Variants in DEFB119 observed in about 807,000 individuals in gnomAD.
The protein encoded by DEFB119 is defensin beta 119.
Under a neutral mutation model 2.5 loss-of-function variants are expected in DEFB119, and 3 were observed. The ratio of observed to expected loss-of-function variants is 1.19; its 90% CI spans 0.54 to 3.07. The LOEUF (loss-of-function observed/expected upper bound fraction) is 3.07, where lower values mean the gene tolerates loss of function less well. Among genes scored for constraint, DEFB119 ranks in the 30% most tolerant of loss-of-function variants. The pLI, the probability that DEFB119 is intolerant of heterozygous loss-of-function variation, is 0.03. For synonymous variants in DEFB119, 29 were observed against 33.7 expected (o/e 0.86, Z 0.48); for missense variants, 113 against 101.1 (o/e 1.12, Z -0.50).
chr20:31,388,874 G>T, intron 1 of DEFB119: 1 of 1,388,214 alleles, frequency 7.2e-7, no homozygotes, highest in Non-Finnish European at 9.7e-7. Flanking sequence ...CAGCCCTAGT[G>T]ACTTCTCTCG....
intron 1 of DEFB119, chr20:31,388,392 A>G: frequency 1.1e-6 from 1 of 887,266 alleles, no homozygotes; most frequent in Non-Finnish European, 1.4e-6. Context: ...TCTAATTTAC[A>G]GAGGAGGAAG....
chr20:31,386,052 G>A (rs1986691072), intron 1 of DEFB119, among the ~76,000 whole-genome samples: 1 of 152,112 alleles, frequency 6.6e-6, no homozygotes, highest in Non-Finnish European at 1.5e-5. Context: ...GATGGCGAGA[G>A]GGTTGCAGTG....
intron 1 of DEFB119, among the ~76,000 whole-genome samples, chr20:31,383,744 G>C (rs983110487): frequency 6.6e-6 from 1 of 151,974 alleles, no homozygotes; most frequent in Admixed American, 6.6e-5. Context: ...TAGGGAGGCT[G>C]AGACAGGAGA....
chr20:31,386,810 C>CTTTTTTTTTTTTTT (rs148428945), intron 1 of DEFB119, among the ~76,000 whole-genome samples: 122 of 108,888 alleles, frequency 1.1e-3, no homozygotes, highest in African/African-American at 1.7e-3. Flanking sequence ...TTTTCTTTTT[C>CTTTTTTTTTTTTTT]TTTTTTTTTT....
chr20:31,381,379 C>T (rs1473271368), intron 1 of DEFB119, among the ~76,000 whole-genome samples: 1 of 152,236 alleles, frequency 6.6e-6, no homozygotes, highest in Non-Finnish European at 1.5e-5. Context: ...ATGACATCTT[C>T]AAATAGACAC....
intron 1 of DEFB119, chr20:31,388,318 C>T (rs1334997252): frequency 5.1e-6 from 5 of 985,564 alleles, no homozygotes; most frequent in African/African-American, 1.7e-5. Context: ...TTGTTGAGTG[C>T]TTACCTTTGC....
intron 1 of DEFB119, among the ~76,000 whole-genome samples, chr20:31,389,816 C>G (rs1986857940): frequency 6.6e-6 from 1 of 151,982 alleles, no homozygotes; most frequent in Admixed American, 6.6e-5. Flanking sequence ...CAAGCCAAAC[C>G]CTAATCTAAT....
At chr20:31,390,001 C>T (rs1472217199) in intron 1 of DEFB119, among the ~76,000 whole-genome samples, 1 of 152,078 alleles carries the variant, frequency 6.6e-6, no homozygotes, top group Admixed American at 6.6e-5. Flanking sequence ...CTGTCTCCAA[C>T]TCTGCCCTAA....
intron 1 of DEFB119, chr20:31,389,211 T>A (rs1325004044): frequency 6.2e-7 from 1 of 1,614,062 alleles, no homozygotes; most frequent in Non-Finnish European, 8.5e-7. Context: ...ACCGGCAGTG[T>A]CCATCCATCC....
chr20:31,383,760 G>A lies in DEFB119; in HGVS notation c.62-6321C>T, dbSNP rs568567284. Among the ~76,000 whole-genome samples the A allele has an allele frequency of 1.4e-3, 213 of 151,986 alleles. 4 individuals are homozygous for A. The South Asian group carries it at 0.025, about 18-fold the overall frequency. Reference sequence around the variant, plus strand: ...AGGGAGGCTGAGACAGGAGAGTGGCGTGAACCCGGGAGGCGGAGCTTGCAG... The same window carrying A: ...AGGGAGGCTGAGACAGGAGAGTGGCATGAACCCGGGAGGCGGAGCTTGCAG... On this transcript the variant is annotated intron_variant, in intron 1 of 1. Coordinates refer to ENST00000376321, the MANE Select transcript of DEFB119 (RefSeq NM_153289.4).
intron 1 of DEFB119, among the ~76,000 whole-genome samples, chr20:31,386,562 A>G (rs1986710153): frequency 6.6e-6 from 1 of 152,232 alleles, no homozygotes; most frequent in African/African-American, 2.4e-5. Flanking sequence ...AGATACAGAA[A>G]GATAAATATT....
chr20:31,384,741 G>A (rs1277171567), intron 1 of DEFB119, among the ~76,000 whole-genome samples: 3 of 152,160 alleles, frequency 2.0e-5, no homozygotes, highest in Admixed American at 6.5e-5. Flanking sequence ...CCCTAAATAC[G>A]TGAAATGTAG....
chr20:31,388,878 T>C, intron 1 of DEFB119: 7 of 1,424,016 alleles, frequency 4.9e-6, no homozygotes, highest in Non-Finnish European at 6.6e-6. Context: ...CCTAGTGACT[T>C]CTCTCGACTA....
At chr20:31,386,831 T>TTC (rs1428681275) in intron 1 of DEFB119, among the ~76,000 whole-genome samples, 85 of 147,266 alleles carry the variant, frequency 5.8e-4, no homozygotes, top group African/African-American at 2.0e-3. Flanking sequence ...TTTTTTTTTT[T>TTC]GAGACGGAGT....
chr20:31,381,908 C>T (rs1568729464), intron 1 of DEFB119, among the ~76,000 whole-genome samples: 1 of 152,106 alleles, frequency 6.6e-6, no homozygotes, highest in Non-Finnish European at 1.5e-5. Context: ...AGTGACAAAG[C>T]TATAGAGATG....
intron 1 of DEFB119, 51 bp from the exon 2 acceptor site, chr20:31,377,490 A>T (rs1243527225): frequency 1.9e-6 from 3 of 1,559,810 alleles, no homozygotes; most frequent in Non-Finnish European, 2.6e-6. Flanking sequence ...GAGTGACATA[A>T]ATCTGATAAG....
chr20:31,381,595 T>C (rs1986508302), intron 1 of DEFB119, among the ~76,000 whole-genome samples: 1 of 152,216 alleles, frequency 6.6e-6, no homozygotes, highest in African/African-American at 2.4e-5. Flanking sequence ...GGAAGATCAC[T>C]TGAGCTCAGG....
chr20:31,388,796 G>A (rs951584501), intron 1 of DEFB119, among the ~76,000 whole-genome samples: 1 of 152,166 alleles, frequency 6.6e-6, no homozygotes, highest in East Asian at 1.9e-4. Context: ...TGACTCAATA[G>A]CCTCTCCTGC....
At chr20:31,388,335 A>G (rs2122315578) in intron 1 of DEFB119, 1 of 983,000 alleles carries the variant, frequency 1.0e-6, no homozygotes, top group African/African-American at 1.7e-5. Context: ...TTGCATTATT[A>G]TGTCATTTCA....
Sources: gnomAD v4.1 joint callset for allele counts (sites outside exome capture counted in the v4.1 genomes callset) on GRCh38, gnomAD v4.1.1 for gene constraint, MANE v1.5 for transcripts, NCBI Gene and HGNC (gene_info 2026-07-23, HGNC 2026-07-21) for gene names.